The following RHOBTB1 variants were observed in gnomAD, a reference collection of about 807,000 sequenced individuals.
The protein encoded by RHOBTB1 is Rho related BTB domain containing 1, also known as rho-related BTB domain-containing protein 1.
In RHOBTB1, 40 loss-of-function variants were observed where a neutral mutation model predicts 71.6. That is an observed-to-expected ratio of 0.56 (90% CI 0.43 to 0.73). The LOEUF (loss-of-function observed/expected upper bound fraction) is 0.73. Among genes scored for constraint, RHOBTB1 ranks in the 30% least tolerant of loss-of-function variants. RHOBTB1 has a pLI of 0.00. For missense variants in RHOBTB1, 797 were observed against 894.0 expected (o/e 0.89, Z 1.38); for synonymous variants, 319 against 334.9 (o/e 0.95, Z 0.52).
intron 2 of RHOBTB1, among the ~76,000 whole-genome samples, chr10:60,925,313 T>C (rs1039622481): frequency 6.6e-6 from 1 of 152,188 alleles, no homozygotes; most frequent in African/African-American, 2.4e-5. Context: ...AAGAAAAGAC[T>C]AATATGCTCC....
At chr10:60,867,934 C>T (rs937361130), downstream of RHOBTB1, among the ~76,000 whole-genome samples, 4 of 152,100 alleles carry the variant, frequency 2.6e-5, no homozygotes, top group East Asian at 1.9e-4. Flanking sequence ...TAAATTAAGT[C>T]GAGGGATATG....
chr10:60,938,661 A>G (rs1304953310), intron 2 of RHOBTB1, among the ~76,000 whole-genome samples: 1 of 152,224 alleles, frequency 6.6e-6, no homozygotes, highest in Non-Finnish European at 1.5e-5. Flanking sequence ...ACCCAGAAGA[A>G]TAACTTCTAT....
At position 60,871,222 on chromosome 10, in the gene RHOBTB1, T is replaced by G. The variant is rs149076089; in HGVS notation, c.*260A>C. The G allele has an allele frequency of 1.9e-3, 667 of 353,886 alleles. 5 individuals carry two copies. Among genetic ancestry groups the G allele is most frequent in the African/African-American group, 0.013 (624 of 47,668 alleles). 21.9% of individuals were successfully genotyped at this position (353,886 alleles called of 1,614,324 possible). On this transcript the variant is annotated 3_prime_UTR_variant, in exon 11 of 11. Transcript: ENST00000337910. ...AACAAAATAACAGACTAAAGTTTATTAAGCCTCCTAACAAAAAAAATATAC... is the reference window on the plus strand; with the variant it reads ...AACAAAATAACAGACTAAAGTTTATGAAGCCTCCTAACAAAAAAAATATAC...
chr10:60,886,075 C>T, intron 7 of RHOBTB1, 37 bp downstream of exon 7: 4 of 1,456,556 alleles, frequency 2.7e-6, no homozygotes, highest in Non-Finnish European at 2.9e-6. Context: ...CACATACATT[C>T]ATAAAGACAC....
At chr10:60,986,402 A>AAG (rs1554859970) in intron 1 of RHOBTB1, among the ~76,000 whole-genome samples, 2 of 69,140 alleles carry the variant, frequency 2.9e-5, no homozygotes, top group Non-Finnish European at 5.3e-5. Context: ...ATATAAATAA[A>AAG]AGATATATAT....
intron 1 of RHOBTB1, among the ~76,000 whole-genome samples, chr10:60,986,481 G>A (rs1451565879): frequency 6.8e-6 from 1 of 146,112 alleles, no homozygotes; most frequent in Non-Finnish European, 1.5e-5. Flanking sequence ...AGTGATTGAA[G>A]TTATAATATG....
intron 2 of RHOBTB1, among the ~76,000 whole-genome samples, chr10:60,917,169 C>T (rs190930548): frequency 2.7e-4 from 41 of 152,344 alleles, no homozygotes; most frequent in African/African-American, 7.9e-4. Context: ...AAGAAACTAA[C>T]GTAGCACACT....
At chr10:60,962,797 G>T (rs1474305579) in intron 2 of RHOBTB1, among the ~76,000 whole-genome samples, 1 of 152,044 alleles carries the variant, frequency 6.6e-6, no homozygotes, top group African/African-American at 2.4e-5. Context: ...TAACAATTTT[G>T]TCTTCTTTCT....
At chr10:60,928,037 A>G (rs2083994744) in intron 2 of RHOBTB1, among the ~76,000 whole-genome samples, 1 of 150,086 alleles carries the variant, frequency 6.7e-6, no homozygotes. Context: ...TTTCTCAGAA[A>G]AGGATGTACA....
At chr10:60,947,332 T>C (rs2085271472), upstream of RHOBTB1, among the ~76,000 whole-genome samples, 1 of 152,218 alleles carries the variant, frequency 6.6e-6, no homozygotes, top group Non-Finnish European at 1.5e-5. Flanking sequence ...ATGTTTCTGT[T>C]GCACAAAGGT....
downstream of RHOBTB1, among the ~76,000 whole-genome samples, chr10:60,866,107 C>A (rs1405160577): frequency 2.0e-5 from 3 of 152,184 alleles, no homozygotes; most frequent in Admixed American, 1.3e-4. Flanking sequence ...GCTGGGATTG[C>A]AGGAGTGAGC....
chr10:60,863,121 C>CT, the RHOBTB1 span, among the ~76,000 whole-genome samples: 2 of 151,992 alleles, frequency 1.3e-5, no homozygotes, highest in African/African-American at 2.4e-5. Flanking sequence ...CCATCCTGGC[C>CT]TTTTTTAGAA....
chr10:60,983,742 CA>C (rs1565190261), intron 2 of RHOBTB1, among the ~76,000 whole-genome samples: 1 of 152,180 alleles, frequency 6.6e-6, no homozygotes, highest in Non-Finnish European at 1.5e-5. Context: ...AACTAGATTT[CA>C]AACCTGCTTT....
intron 2 of RHOBTB1, among the ~76,000 whole-genome samples, chr10:60,937,648 T>C (rs1028870396): frequency 4.6e-5 from 7 of 152,140 alleles, no homozygotes; most frequent in Non-Finnish European, 4.4e-5. Context: ...CAAGTAAACT[T>C]TGGCAACCTT....
At chr10:60,937,885 T>G (rs2084679494) in intron 2 of RHOBTB1, among the ~76,000 whole-genome samples, 1 of 152,216 alleles carries the variant, frequency 6.6e-6, no homozygotes, top group Admixed American at 6.5e-5. Flanking sequence ...TAACCCTTAC[T>G]GAGCACCTAC....
At chr10:60,944,779 C>T (rs1319053256), upstream of RHOBTB1, among the ~76,000 whole-genome samples, 3 of 152,216 alleles carry the variant, frequency 2.0e-5, no homozygotes, top group Non-Finnish European at 4.4e-5. Flanking sequence ...GCCTCCTCCT[C>T]CCTGGGCGGC....
intron 7 of RHOBTB1, among the ~76,000 whole-genome samples, chr10:60,882,712 ACATGGAC>A (rs1264586948): frequency 1.3e-5 from 2 of 152,154 alleles, no homozygotes; most frequent in Non-Finnish European, 2.9e-5. Context: ...CCAAGTGTGA[ACATGGAC>A]CTATGTTAAT....
chr10:60,927,814 C>CTG (rs2083979729), intron 2 of RHOBTB1, among the ~76,000 whole-genome samples: 1 of 152,024 alleles, frequency 6.6e-6, no homozygotes, highest in South Asian at 2.1e-4. Context: ...ACAAAGATTT[C>CTG]CTGAGATCTC....
At chr10:60,989,468 A>G (rs1039710780) in intron 1 of RHOBTB1, among the ~76,000 whole-genome samples, 2 of 152,196 alleles carry the variant, frequency 1.3e-5, no homozygotes, top group Non-Finnish European at 2.9e-5. Context: ...ATACTTGTTG[A>G]ATGAATAAAT....
Sources: allele counts gnomAD v4.1 joint callset (sites outside exome capture counted in the v4.1 genomes callset), GRCh38; gene constraint gnomAD v4.1.1; transcripts MANE v1.5; gene names NCBI Gene and HGNC (gene_info 2026-07-23, HGNC 2026-07-21).